Variants in PKP4 observed in about 807,000 individuals in gnomAD.
PKP4 encodes plakophilin 4.
Under a neutral mutation model 145.1 loss-of-function variants are expected in PKP4, and 90 were observed. The observed-to-expected ratio is 0.62, with a 90% CI of 0.52 to 0.74. The LOEUF is 0.74. Ranked by LOEUF, PKP4 falls within the 30% of genes least tolerant of loss-of-function variation. The pLI is 0.00. For missense variants in PKP4, 1,340 were observed against 1,482.7 expected, an observed-to-expected ratio of 0.90 and a Z score of 1.58; for synonymous variants, 563 against 577.2, an observed-to-expected ratio of 0.98 and a Z score of 0.35.
intron 1 of PKP4, among the ~76,000 whole-genome samples, chr2:158,514,479 C>A (rs138587673): frequency 5.4e-4 from 83 of 152,308 alleles, no homozygotes; most frequent in African/African-American, 1.8e-3. Context: ...CACACAGATT[C>A]TAAATGGAAT....
intron 2 of PKP4, among the ~76,000 whole-genome samples, chr2:158,564,819 CT>C (rs1487207084): frequency 6.6e-6 from 1 of 152,202 alleles, no homozygotes; most frequent in Non-Finnish European, 1.5e-5. Context: ...AACAGCAGTA[CT>C]TTTCCCATTG....
intron 2 of PKP4, 143 bp from the exon 3 acceptor site, chr2:158,577,128 C>T: frequency 9.8e-6 from 5 of 509,924 alleles, no homozygotes; most frequent in Admixed American, 3.7e-5. Context: ...TTATTTCATC[C>T]AAAAATTGCA....
intron 6 of PKP4, among the ~76,000 whole-genome samples, chr2:158,622,322 A>G (rs987128653): frequency 6.6e-6 from 1 of 152,180 alleles, no homozygotes; most frequent in Non-Finnish European, 1.5e-5. Context: ...TATATATTGC[A>G]TGTATATTTA....
chr2:158,497,832 C>T (rs971147752), intron 1 of PKP4, among the ~76,000 whole-genome samples: 3 of 152,240 alleles, frequency 2.0e-5, no homozygotes, highest in African/African-American at 7.2e-5. Flanking sequence ...AGAGGCCAGA[C>T]ATCTTATTTC....
chr2:158,580,497 T>C (rs1439787938), intron 3 of PKP4, among the ~76,000 whole-genome samples: 2 of 152,210 alleles, frequency 1.3e-5, no homozygotes, highest in Non-Finnish European at 2.9e-5. Context: ...AAGGACCTAC[T>C]GGCTTATGAA....
chr2:158,669,738 A>G lies in PKP4; in HGVS notation c.2747A>G (p.Asp916Gly), dbSNP rs576698328. ...TTGGCAGGCAAATACGCCATGCGAG[A>G]CCTGGTCAACCGGCTCCCCGGCGGC... ...KELIGKYAMR[D>G]LVNRLPGGNG... The change falls in exon 17 of 22, where the codon GAC becomes GGC. Residue 916 changes from aspartate to glycine, a missense_variant. Transcript: ENST00000389759. 2 of 1,596,590 alleles carry G rather than the reference A, an allele frequency of 1.3e-6. No homozygotes were observed. The highest frequency in any genetic ancestry group is 4.5e-5 in the East Asian group (2 of 44,534).
intron 9 of PKP4, among the ~76,000 whole-genome samples, chr2:158,636,515 GCTTAGGGTTCACTGAGATT>G (rs2053824266): frequency 1.3e-5 from 2 of 151,966 alleles, no homozygotes; most frequent in Admixed American, 6.6e-5. Flanking sequence ...CATTTAACCT[GCTTAGGGTTCACTGAGATT>G]CTTGGAATGT....
chr2:158,559,958 CT>C (rs1326377875), intron 2 of PKP4, among the ~76,000 whole-genome samples: 1 of 152,088 alleles, frequency 6.6e-6, no homozygotes, highest in Non-Finnish European at 1.5e-5. Context: ...CCTCCATCTC[CT>C]GGATTCAAGT....
At chr2:158,487,079 C>A (rs1694271387) in intron 1 of PKP4, among the ~76,000 whole-genome samples, 1 of 152,068 alleles carries the variant, frequency 6.6e-6, no homozygotes. Context: ...TAAAGCATAC[C>A]TATAAACTGG....
chr2:158,662,391 CTT>C (rs1401525540), intron 13 of PKP4: 1 of 152,766 alleles, frequency 6.5e-6, no homozygotes, highest in East Asian at 1.9e-4. Flanking sequence ...GTGATGCAGT[CTT>C]TTAGGGAACA....
intron 2 of PKP4, among the ~76,000 whole-genome samples, chr2:158,554,140 C>G (rs933739249): frequency 6.7e-6 from 1 of 150,136 alleles, no homozygotes; most frequent in Non-Finnish European, 1.5e-5. Flanking sequence ...TTTGAGACTT[C>G]CATGCCTGGC....
At chr2:158,570,856 A>C (rs1307737985) in intron 2 of PKP4, among the ~76,000 whole-genome samples, 1 of 152,228 alleles carries the variant, frequency 6.6e-6, no homozygotes, top group Admixed American at 6.5e-5. Flanking sequence ...TATAGGTCAG[A>C]GGAGAAAGAA....
intron 2 of PKP4, among the ~76,000 whole-genome samples, chr2:158,566,947 T>C (rs1410987378): frequency 1.3e-5 from 2 of 152,188 alleles, no homozygotes; most frequent in African/African-American, 4.8e-5. Context: ...GTCAGTAGTC[T>C]GTTCAATGAG....
At position 158,661,785 on chromosome 2, in the gene PKP4, T is replaced by G. The variant is rs984307758; in HGVS notation, c.2211+335T>G. 2.5e-5 allele frequency: 5 copies of G among 201,642 alleles called. No individual in the cohort carries two copies. In the Admixed American group the frequency reaches 2.8e-4, roughly 11 times the overall value. The allele number at this position is 201,642 out of a possible 1,614,324, so 12.5% of individuals were successfully genotyped here. Reference sequence around the variant, plus strand: ...GAGCCATCAGTATTTGAGTATCTACTGACTAAAAGTTCCTGGTTGAGGCAC... The same window carrying G: ...GAGCCATCAGTATTTGAGTATCTACGGACTAAAAGTTCCTGGTTGAGGCAC... On this transcript the variant is annotated intron_variant, in intron 13 of 21. Coordinates refer to ENST00000389759, the MANE Select transcript of PKP4 (RefSeq NM_003628.6).
In PKP4 at chr2:158,677,010, C is replaced by G. The variant is rs2058073835; in HGVS notation, c.3256+143C>G. Reference sequence around the variant, plus strand: ...CATGTTCCAGTCATTCCCTTTCCTACTTTGGGGATTGTTGCCTTTTCTGCT... The same window carrying G: ...CATGTTCCAGTCATTCCCTTTCCTAGTTTGGGGATTGTTGCCTTTTCTGCT... On this transcript the variant is annotated intron_variant, in intron 20 of 21. Coordinates refer to ENST00000389759, the MANE Select transcript of PKP4 (RefSeq NM_003628.6). 5.1e-6 allele frequency: 5 copies of G among 980,690 alleles called. No individual in the cohort carries two copies. The South Asian group carries it at 5.4e-5, about 11-fold the overall frequency. 60.7% of individuals were successfully genotyped at this position (980,690 alleles called of 1,614,324 possible).
At chr2:158,480,529 G>A (rs1010739415) in intron 1 of PKP4, among the ~76,000 whole-genome samples, 8 of 149,652 alleles carry the variant, frequency 5.3e-5, no homozygotes, top group South Asian at 2.1e-4. Flanking sequence ...GAGCCACCGC[G>A]CCTGGCCTCT....
chr2:158,652,839 G>A (rs894142284), intron 11 of PKP4, among the ~76,000 whole-genome samples: 10 of 152,158 alleles, frequency 6.6e-5, no homozygotes, highest in Non-Finnish European at 1.3e-4. Context: ...ACTGGGAATG[G>A]AGTGGGGGTT....
rs1383035458 is a variant in PKP4 at position 158,661,373 on chromosome 2, C to T, written c.2134C>T (p.Arg712Trp). 1.3e-5 allele frequency: 21 copies of T among 1,613,658 alleles called. No homozygotes were observed. The highest frequency in any genetic ancestry group is 1.8e-5 in the Non-Finnish European group (21 of 1,179,686). The part of the protein sequence containing the change: ...SAGEEARKQM[R>W]SCEGLVDSLL... ...GGGGGAAGAAGCTCGGAAGCAAATG[C>T]GGTCCTGCGAGGGGCTGGTAGACTC... Residue 712 changes from arginine to tryptophan, a missense_variant, in exon 13 of 22, where the codon CGG (arginine) becomes TGG (tryptophan). Transcript: ENST00000389759.
At chr2:158,634,370 GCTAAGT>G (rs1297821843) in intron 9 of PKP4, 81 bp downstream of exon 9, 4 of 1,008,068 alleles carry the variant, frequency 4.0e-6, no homozygotes, top group Middle Eastern at 4.1e-4. Flanking sequence ...TTTTTAAGTT[GCTAAGT>G]CTATTATACT....
Sources: gnomAD v4.1 joint callset for allele counts (sites outside exome capture counted in the v4.1 genomes callset) on GRCh38, gnomAD v4.1.1 for gene constraint, MANE v1.5 for transcripts, NCBI Gene and HGNC (gene_info 2026-07-23, HGNC 2026-07-21) for gene names.